The following CLVS1 variants were observed in gnomAD, a reference collection of about 807,000 sequenced individuals.
The protein encoded by CLVS1 is clavesin 1.
A neutral mutation model predicts 33.1 loss-of-function variants in CLVS1; 10 were observed. That is an observed-to-expected ratio of 0.30 (90% confidence interval 0.19 to 0.51). The LOEUF (loss-of-function observed/expected upper bound fraction) is 0.51. CLVS1 is among the 20% of genes least tolerant of loss of function. The probability of loss-of-function intolerance (pLI) is 0.97; values close to 1 mark genes in which losing one functional copy is unlikely to be tolerated. For synonymous variants in CLVS1, 163 were observed against 166.1 expected, an observed-to-expected ratio of 0.98 and a Z score of 0.14; for missense variants, 343 against 433.4, an observed-to-expected ratio of 0.79 and a Z score of 1.85.
chr8:61,047,877 G>A, the CLVS1 span, among the ~76,000 whole-genome samples: 3 of 151,962 alleles, frequency 2.0e-5, no homozygotes, highest in East Asian at 3.9e-4. Context: ...CACCAGCATG[G>A]CACATGTATA....
At chr8:61,287,893 G>T (rs4033256), upstream of CLVS1, 15 of 346,270 alleles carry the variant, frequency 4.3e-5, no homozygotes, top group Admixed American at 5.2e-4. Flanking sequence ...GAACCAGGGA[G>T]GGTTGTGGTA....
chr8:61,435,765 T>C (rs975094527), intron 3 of CLVS1, among the ~76,000 whole-genome samples: 2 of 152,244 alleles, frequency 1.3e-5, no homozygotes, highest in East Asian at 3.9e-4. Context: ...GTAAGGAATA[T>C]AAAATAAAGG....
chr8:61,298,249 G>A (rs1248039326), intron 1 of CLVS1, among the ~76,000 whole-genome samples: 1 of 152,100 alleles, frequency 6.6e-6, no homozygotes, highest in African/African-American at 2.4e-5. Flanking sequence ...TTACAATTCT[G>A]GGAAGAGTTT....
At chr8:61,402,494 G>A (rs962046706) in intron 3 of CLVS1, among the ~76,000 whole-genome samples, 7 of 152,040 alleles carry the variant, frequency 4.6e-5, no homozygotes, top group Non-Finnish European at 8.8e-5. Context: ...TGAGAGCTGT[G>A]GCCCGAGATC....
intron 2 of CLVS1, among the ~76,000 whole-genome samples, chr8:61,331,823 T>TTCCTCCTCCTCC (rs71257360): frequency 2.8e-5 from 4 of 141,984 alleles, no homozygotes; most frequent in African/African-American, 7.7e-5. Context: ...CCTCCTCCTC[T>TTCCTCCTCCTCC]TCCTCCTCCT....
chr8:61,262,087 C>A (rs548025018), intron 2 of CLVS1, among the ~76,000 whole-genome samples: 14 of 151,882 alleles, frequency 9.2e-5, no homozygotes, highest in Non-Finnish European at 1.6e-4. Flanking sequence ...GCAATCATAG[C>A]TCACTGCAGC....
At chr8:61,298,761 A>C (rs1810313577) in intron 1 of CLVS1, among the ~76,000 whole-genome samples, 1 of 152,218 alleles carries the variant, frequency 6.6e-6, no homozygotes, top group Non-Finnish European at 1.5e-5. Context: ...CATTTAAAAT[A>C]AGATGGAAAC....
At chr8:61,143,748 A>C (rs1273816703) in intron 2 of CLVS1, among the ~76,000 whole-genome samples, 1 of 145,104 alleles carries the variant, frequency 6.9e-6, no homozygotes, top group East Asian at 2.0e-4. Context: ...AAATTCATAT[A>C]TATAATATGA....
intron 3 of CLVS1, among the ~76,000 whole-genome samples, chr8:61,394,268 T>C (rs886866868): frequency 6.6e-6 from 1 of 152,332 alleles, no homozygotes; most frequent in East Asian, 1.9e-4. Flanking sequence ...CTTGAGTTGG[T>C]TGGCCCAGGA....
chr8:61,185,143 G>GCTTTTTT (rs376138569), intron 2 of CLVS1, among the ~76,000 whole-genome samples: 24 of 143,758 alleles, frequency 1.7e-4, no homozygotes, highest in African/African-American at 2.2e-4. Context: ...AGAGAGTATA[G>GCTTTTTT]TTTTTGTTTT....
At chr8:61,144,275 C>G (rs1806373006) in intron 2 of CLVS1, among the ~76,000 whole-genome samples, 1 of 152,042 alleles carries the variant, frequency 6.6e-6, no homozygotes, top group Non-Finnish European at 1.5e-5. Context: ...TGTTCGACTC[C>G]CGCTTTATGA....
At chr8:61,405,097 G>A (rs372566232) in intron 3 of CLVS1, among the ~76,000 whole-genome samples, 2 of 152,172 alleles carry the variant, frequency 1.3e-5, no homozygotes, top group East Asian at 1.9e-4. Flanking sequence ...ACTCTCTGGG[G>A]GGTAGTGAAT....
Position 61,351,962 on chromosome 8 carries a change from T to C in CLVS1, c.456-24643T>C, listed in dbSNP as rs117189646. Reference sequence around the variant, plus strand: ...ATTTCTTTAAATGGAAAGTAAAAGATAGAAGAAAGAATCTTGAAATATCAG... The same window carrying C: ...ATTTCTTTAAATGGAAAGTAAAAGACAGAAGAAAGAATCTTGAAATATCAG... On this transcript the variant is annotated intron_variant, in intron 2 of 5. Transcript: ENST00000325897. Among the ~76,000 whole-genome samples, 1,348 of 152,084 alleles carry C rather than the reference T, an allele frequency of 8.9e-3. 11 individuals carry two copies. Among genetic ancestry groups the C allele is most frequent in the Middle Eastern group, 0.02 (6 of 294 alleles).
chr8:61,437,642 T>C (rs1816384119), intron 3 of CLVS1, among the ~76,000 whole-genome samples: 3 of 152,220 alleles, frequency 2.0e-5, no homozygotes, highest in Admixed American at 2.0e-4. Context: ...GAGTGATTAC[T>C]AAGAATACTT....
At chr8:61,295,614 G>C (rs1585762549) in intron 1 of CLVS1, among the ~76,000 whole-genome samples, 1 of 152,270 alleles carries the variant, frequency 6.6e-6, no homozygotes, top group Non-Finnish European at 1.5e-5. Context: ...GAAACTTGCA[G>C]ATGGTCACAT....
chr8:61,251,042 G>T (rs1375134671), intron 2 of CLVS1, among the ~76,000 whole-genome samples: 2 of 152,146 alleles, frequency 1.3e-5, no homozygotes, highest in Non-Finnish European at 2.9e-5. Flanking sequence ...TATGATATTG[G>T]CTGTGGGTTT....
At chr8:61,360,500 C>G (rs1382886176) in intron 2 of CLVS1, among the ~76,000 whole-genome samples, 1 of 152,092 alleles carries the variant, frequency 6.6e-6, no homozygotes, top group Non-Finnish European at 1.5e-5. Context: ...AGAGGCCAGC[C>G]CAAGTAAAAT....
At position 61,404,102 on chromosome 8, in the gene CLVS1, G is replaced by A. The variant is rs16927278; in HGVS notation, c.630+27323G>A. 3.9e-3 allele frequency among the ~76,000 whole-genome samples: 594 copies of A among 152,302 alleles called. 11 individuals are homozygous for A. The East Asian group carries it at 0.076, about 20-fold the overall frequency. On this transcript the variant is annotated intron_variant, in intron 3 of 5. Coordinates refer to ENST00000325897, the MANE Select transcript of CLVS1 (RefSeq NM_173519.3). ...GAGGATTCTTATGGAGCTGCTGGCG[G>A]ATAAATATGGATGGGTGACTTAGGG...
chr8:61,308,630 A>G (rs1466979309), intron 2 of CLVS1, among the ~76,000 whole-genome samples: 2 of 152,120 alleles, frequency 1.3e-5, no homozygotes, highest in Non-Finnish European at 2.9e-5. Flanking sequence ...GAAGACCTCC[A>G]TATTTCCAGC....
Sources: gnomAD v4.1 joint callset for allele counts (sites outside exome capture counted in the v4.1 genomes callset) on GRCh38, gnomAD v4.1.1 for gene constraint, MANE v1.5 for transcripts, NCBI Gene and HGNC (gene_info 2026-07-23, HGNC 2026-07-21) for gene names.